Variants in C2orf78 observed in about 807,000 individuals in gnomAD.
C2orf78 encodes uncharacterized protein C2orf78.
Under a neutral mutation model 21.4 loss-of-function variants are expected in C2orf78, and 12 were observed. That is an observed-to-expected ratio of 0.56 (90% confidence interval 0.36 to 0.91). The LOEUF is 0.91. Among genes scored for constraint, C2orf78 ranks in the 40% least tolerant of loss-of-function variants. The pLI is 0.01. For synonymous variants in C2orf78, 396 were observed against 413.9 expected (o/e 0.96, Z 0.52); for missense variants, 1,042 against 1,092.4 (o/e 0.95, Z 0.65).
intron 1 of C2orf78, among the ~76,000 whole-genome samples, chr2:73,809,094 C>G (rs528561725): frequency 2.6e-5 from 4 of 152,162 alleles, no homozygotes; most frequent in Admixed American, 2.6e-4. Context: ...TATTCTCTCA[C>G]AAAATCTGTT....
exon 3 of C2orf78, chr2:73,815,726 G>A (rs1372176790): frequency 6.2e-7 from 1 of 1,613,622 alleles, no homozygotes; most frequent in Non-Finnish European, 8.5e-7. Flanking sequence ...AAGTCAGGAA[G>A]AACAAGCATA....
At chr2:73,809,894 A>G (rs1413232788) in intron 1 of C2orf78, among the ~76,000 whole-genome samples, 1 of 152,210 alleles carries the variant, frequency 6.6e-6, no homozygotes, top group East Asian at 1.9e-4. Context: ...CAGGTATTCT[A>G]GAGTAAGGAA....
chr2:73,810,782 C>T (rs1673070996), intron 1 of C2orf78, among the ~76,000 whole-genome samples: 3 of 114,082 alleles, frequency 2.6e-5, no homozygotes, highest in South Asian at 2.6e-4. Context: ...ATAAAATATA[C>T]ATGTATATTT....
rs570165890 is a variant in C2orf78, at chr2:73,807,048, G to A, written c.98-6429G>A. On this transcript the variant is annotated intron_variant, in intron 1 of 2. Coordinates refer to ENST00000409561, the Ensembl canonical transcript of C2orf78. ...TACAAAAAATTAGCCGGGCATGGTG[G>A]CGAGTACCTGTAATCCCAGCTACTC... is the stretch of plus-strand genomic sequence containing the variant. Among the ~76,000 whole-genome samples the A allele has an allele frequency of 1.6e-3, 224 of 144,468 alleles. 29 individuals carry two copies. Among genetic ancestry groups the A allele is most frequent in the African/African-American group, 5.9e-3 (215 of 36,298 alleles). The allele number at this position is 144,468 out of a possible 152,430, so 94.8% of individuals were successfully genotyped here.
At chr2:73,813,477 A>G in exon 2 of C2orf78, 2 of 1,593,112 alleles carry the variant, frequency 1.3e-6, no homozygotes, top group African/African-American at 2.7e-5. Flanking sequence ...TTTCCTACAG[A>G]ATATTTCCAA....
At chr2:73,816,373 A>G in exon 3 of C2orf78, 3 of 1,613,882 alleles carry the variant, frequency 1.9e-6, no homozygotes, top group African/African-American at 2.7e-5. Context: ...GGGAAGGTCA[A>G]GTTGATACCT....
chr2:73,815,512 T>C, exon 3 of C2orf78: 1 of 1,613,976 alleles, frequency 6.2e-7, no homozygotes, highest in Non-Finnish European at 8.5e-7. Flanking sequence ...GACCAAGGGA[T>C]ATTTGAAAAT....
exon 3 of C2orf78, chr2:73,816,815 G>C (rs1196709222): frequency 6.2e-7 from 1 of 1,613,896 alleles, no homozygotes; most frequent in Admixed American, 1.7e-5. Flanking sequence ...CTGTTCCTGA[G>C]CCAGTAATGT....
At chr2:73,816,263 G>C (rs1673194745) in exon 3 of C2orf78, 2 of 1,613,904 alleles carry the variant, frequency 1.2e-6, no homozygotes, top group Non-Finnish European at 1.7e-6. Context: ...TCCAACATGA[G>C]GGTAAAGGCC....
At chr2:73,811,501 T>C (rs1673088527) in intron 1 of C2orf78, among the ~76,000 whole-genome samples, 1 of 152,164 alleles carries the variant, frequency 6.6e-6, no homozygotes, top group South Asian at 2.1e-4. Context: ...GAAAAGTAGA[T>C]TCCAAGTAAA....
chr2:73,814,489 T>C (rs1673152841), intron 2 of C2orf78, among the ~76,000 whole-genome samples: 1 of 152,226 alleles, frequency 6.6e-6, no homozygotes, highest in African/African-American at 2.4e-5. Context: ...GTGCCCTGAC[T>C]GATCACTTCC....
chr2:73,786,304 G>C (rs1358869388), intron 1 of C2orf78, among the ~76,000 whole-genome samples: 1 of 151,508 alleles, frequency 6.6e-6, no homozygotes, highest in Non-Finnish European at 1.5e-5. Flanking sequence ...GCTTGAACCA[G>C]GGAGGCGCAT....
intron 1 of C2orf78, among the ~76,000 whole-genome samples, chr2:73,807,756 A>G (rs1046434424): frequency 2.7e-4 from 36 of 133,508 alleles, no homozygotes; most frequent in African/African-American, 1.1e-3. Flanking sequence ...GCCCAGAAAC[A>G]ATGCCTAAAA....
chr2:73,815,927 T>G, exon 3 of C2orf78: 1 of 1,613,564 alleles, frequency 6.2e-7, no homozygotes, highest in Non-Finnish European at 8.5e-7. Context: ...CTAAGAGCCA[T>G]GGGCAGGAAA....
chr2:73,786,357 C>T (rs1315240162), intron 1 of C2orf78, among the ~76,000 whole-genome samples: 2 of 149,806 alleles, frequency 1.3e-5, no homozygotes, highest in East Asian at 2.0e-4. Flanking sequence ...CCAGCCTAGG[C>T]GACAGAGCGA....
At chr2:73,815,983 G>T (rs747586026) in exon 3 of C2orf78, 1 of 1,613,978 alleles carries the variant, frequency 6.2e-7, no homozygotes, top group South Asian at 1.1e-5. Flanking sequence ...TCTGAAGAGA[G>T]TAAGCAGTCA....
chr2:73,810,552 T>TAC (rs908890129), intron 1 of C2orf78, among the ~76,000 whole-genome samples: 1 of 118,588 alleles, frequency 8.4e-6, no homozygotes, highest in Non-Finnish European at 1.8e-5. Flanking sequence ...TATATATATA[T>TAC]ACATAAAATA....
At chr2:73,815,420 G>A (rs1387166510) in exon 3 of C2orf78, 4 of 1,613,756 alleles carry the variant, frequency 2.5e-6, no homozygotes, top group Non-Finnish European at 3.4e-6. Flanking sequence ...ACCCGCTTCT[G>A]GCCTGCATTG....
rs1031874776 is a variant in C2orf78, at chr2:73,807,072, T to C, written c.98-6405T>C. On this transcript the variant is annotated intron_variant, in intron 1 of 2. Transcript: ENST00000409561. ...GGCGAGTACCTGTAATCCCAGCTAC[T>C]CGGGAGACTAAGGCACGAGAATGGT... 6.2e-4 allele frequency among the ~76,000 whole-genome samples: 90 copies of C among 144,082 alleles called. 5 individuals carry two copies. Among genetic ancestry groups the C allele is most frequent in the Non-Finnish European group, 1.0e-3 (68 of 66,670 alleles). 94.5% of individuals were successfully genotyped at this position (144,082 alleles called of 152,430 possible).
Sources: gnomAD v4.1 joint callset for allele counts (sites outside exome capture counted in the v4.1 genomes callset) on GRCh38, gnomAD v4.1.1 for gene constraint, MANE v1.5 for transcripts, NCBI Gene and HGNC (gene_info 2026-07-23, HGNC 2026-07-21) for gene names.